Variants in PTBP2 observed in about 807,000 individuals in gnomAD.
The protein encoded by PTBP2 is polypyrimidine tract-binding protein 2.
PTBP2 carries 13 observed loss-of-function variants against 61.4 expected under a neutral mutation model. The ratio of observed to expected loss-of-function variants is 0.21; its 90% confidence interval spans 0.14 to 0.34. The LOEUF is 0.34. PTBP2 is among the 10% of genes least tolerant of loss of function. The pLI is 1.00. For synonymous variants in PTBP2, 215 were observed against 218.5 expected (o/e 0.98, Z 0.14); for missense variants, 405 against 642.6 (o/e 0.63, Z 4.00).
chr1:96,741,472 G>A (rs1653013850), intron 2 of PTBP2, among the ~76,000 whole-genome samples: 2 of 151,988 alleles, frequency 1.3e-5, no homozygotes, highest in South Asian at 2.1e-4. Flanking sequence ...GTATTACCCA[G>A]GTTTGTTGCG....
intron 2 of PTBP2, chr1:96,749,795 T>G: frequency 2.7e-6 from 1 of 369,362 alleles, no homozygotes; most frequent in South Asian, 2.0e-5. Context: ...TGCCTGGTAA[T>G]CACTGTTCGT....
chr1:96,798,751 A>AT (rs1241559574), intron 8 of PTBP2, among the ~76,000 whole-genome samples: 6 of 152,206 alleles, frequency 3.9e-5, no homozygotes, highest in Non-Finnish European at 5.9e-5. Context: ...TGGTTGATTA[A>AT]TTGCAAGAAC....
At chr1:96,773,700 T>G (rs273860) in intron 5 of PTBP2, among the ~76,000 whole-genome samples, 88,192 of 151,820 alleles carry the variant, frequency 0.58, 26,275 homozygotes, top group African/African-American at 0.71. Context: ...TACCAGGCTG[T>G]GCGTGGTGGC....
At chr1:96,764,422 C>A (rs919984242) in intron 3 of PTBP2, among the ~76,000 whole-genome samples, 11 of 152,156 alleles carry the variant, frequency 7.2e-5, no homozygotes, top group Non-Finnish European at 1.0e-4. Flanking sequence ...AAGGTACAGT[C>A]TCTTTAATTT....
In PTBP2 at chr1:96,777,432, C is replaced by T. The variant is rs1257539529; in HGVS notation, c.433-153C>T. Among the ~76,000 whole-genome samples, 3 of 152,248 alleles carry T rather than the reference C, an allele frequency of 2.0e-5. No homozygotes were observed. In the East Asian group the frequency reaches 5.8e-4, roughly 29 times the overall value. On this transcript the variant is annotated intron_variant, in intron 5 of 13. Coordinates refer to ENST00000674951, the MANE Select transcript of PTBP2 (RefSeq NM_021190.4). ...TTTATTAAACAGGTAGTACCTGGCTCATGGCAGGTGCTTAAAAATATCTGT... is the reference window on the plus strand; with the variant it reads ...TTTATTAAACAGGTAGTACCTGGCTTATGGCAGGTGCTTAAAAATATCTGT...
downstream of PTBP2, chr1:96,817,993 G>A (rs1212258270): frequency 6.6e-6 from 1 of 152,016 alleles, no homozygotes; most frequent in Non-Finnish European, 1.5e-5. Context: ...TTGTGTTTAA[G>A]AAATAAGTCA....
chr1:96,735,638 T>TTA (rs1652057095), intron 2 of PTBP2, among the ~76,000 whole-genome samples: 1 of 152,078 alleles, frequency 6.6e-6, no homozygotes, highest in Admixed American at 6.5e-5. Flanking sequence ...GGAGTTCAGG[T>TTA]TAAAAATAGC....
At chr1:96,779,893 C>G (rs1219390753) in intron 7 of PTBP2, among the ~76,000 whole-genome samples, 1 of 150,842 alleles carries the variant, frequency 6.6e-6, no homozygotes, top group Non-Finnish European at 1.5e-5. Context: ...CAATTGGTAC[C>G]AGTTTAAATC....
intron 11 of PTBP2, 96 bp downstream of exon 11, chr1:96,807,054 A>G: frequency 1.1e-6 from 1 of 886,050 alleles, no homozygotes; most frequent in East Asian, 2.8e-5. Context: ...TTACATCAGT[A>G]AGAAATTATT....
rs932347398 is a variant in PTBP2 at position 96,804,974 on chromosome 1, C to T, written c.1044+35C>T. The T allele has an allele frequency of 2.1e-6, 3 of 1,450,784 alleles. No individual in the cohort carries two copies. The African/African-American group carries it at 4.3e-5, about 21-fold the overall frequency. 89.9% of individuals were successfully genotyped at this position (1,450,784 alleles called of 1,614,324 possible). On this transcript the variant is annotated intron_variant, in intron 9 of 13. Transcript: ENST00000674951. ...ATAATCTCTAATGTTTATTCTTTAACTCCATTTCATTTGTGAAAGTTTTTC... is the reference window on the plus strand; with the variant it reads ...ATAATCTCTAATGTTTATTCTTTAATTCCATTTCATTTGTGAAAGTTTTTC...
chr1:96,728,024 C>CT (rs553367058), intron 2 of PTBP2, among the ~76,000 whole-genome samples: 65 of 152,054 alleles, frequency 4.3e-4, no homozygotes, highest in Non-Finnish European at 8.4e-4. Context: ...GGACCTGACT[C>CT]TGTCACCCCA....
intron 2 of PTBP2, among the ~76,000 whole-genome samples, chr1:96,730,082 T>C (rs11165709): frequency 0.29 from 44,266 of 152,040 alleles, 7,154 homozygotes; most frequent in East Asian, 0.44. Flanking sequence ...GATGTCAGCT[T>C]TCTCATTCCC....
At chr1:96,799,587 T>C (rs72976459) in intron 8 of PTBP2, among the ~76,000 whole-genome samples, 6,819 of 152,218 alleles carry the variant, frequency 0.045, 475 homozygotes, top group African/African-American at 0.15. Flanking sequence ...AGTTTTTTCC[T>C]CACATATCTG....
intron 2 of PTBP2, among the ~76,000 whole-genome samples, chr1:96,750,720 A>C (rs1046154110): frequency 1.3e-5 from 2 of 152,084 alleles, no homozygotes; most frequent in African/African-American, 4.8e-5. Flanking sequence ...AATATCCATA[A>C]CTAAGGCAAA....
chr1:96,744,139 A>G (rs1315661976), intron 2 of PTBP2, among the ~76,000 whole-genome samples: 2 of 151,982 alleles, frequency 1.3e-5, no homozygotes, highest in African/African-American at 4.8e-5. Flanking sequence ...CAGAAAAATT[A>G]CTTGAACCCG....
Position 96,785,071 on chromosome 1 carries a change from C to A in PTBP2, c.721C>A (p.Gln241Lys). ...TTCACTTTTACAGGCCCTAGATGGT[C>A]AGAATATTTATAATGCCTGCTGTAC... ...AQQAKLALDG[Q>K]NIYNACCTLR... Residue 241 changes from glutamine (Q) to lysine (K), a missense_variant, in exon 8 of 14, where the codon CAG becomes AAG. Around this residue, in one of 4 missense-constraint regions of PTBP2, gnomAD observed 342 missense variants for 491.2 expected, o/e 0.70. Transcript: ENST00000674951. 3 of 1,587,366 alleles carry A rather than the reference C, an allele frequency of 1.9e-6. No individual in the cohort carries two copies. Among genetic ancestry groups the A allele is most frequent in the South Asian group, 2.3e-5 (2 of 87,370 alleles).
chr1:96,780,139 T>C (rs1658488623), intron 7 of PTBP2, among the ~76,000 whole-genome samples: 1 of 152,084 alleles, frequency 6.6e-6, no homozygotes, highest in Non-Finnish European at 1.5e-5. Flanking sequence ...ATAAAAGGCA[T>C]AGATGTTTAG....
At chr1:96,822,458 C>G (rs1662712339) in exon 14 of PTBP2, 1 of 152,096 alleles carries the variant, frequency 6.6e-6, no homozygotes, top group Non-Finnish European at 1.5e-5. Flanking sequence ...ATAGGCTGTG[C>G]TAAGTTGTTT....
At position 96,813,492 on chromosome 1, in the gene PTBP2, G is replaced by T. The variant is rs1662266296; in HGVS notation, c.*87G>T. ...TTCAGAAAAGTGGGGACCAGAGTTT[G>T]ATTTTTTTTGTTTTTGTTTTTTTGG... On this transcript the variant is annotated 3_prime_UTR_variant, in exon 14 of 14. Coordinates refer to ENST00000674951, the MANE Select transcript of PTBP2 (RefSeq NM_021190.4). 10 of 1,262,398 alleles carry T rather than the reference G, an allele frequency of 7.9e-6. No homozygotes were observed. Among genetic ancestry groups the T allele is most frequent in the South Asian group, 4.6e-5 (2 of 43,162 alleles). 78.2% of individuals were successfully genotyped at this position (1,262,398 alleles called of 1,614,324 possible).
Sources: gnomAD v4.1 joint callset for allele counts (sites outside exome capture counted in the v4.1 genomes callset) on GRCh38, gnomAD v4.1.1 for gene constraint, gnomAD v4.1.1 regional missense constraint, MANE v1.5 for transcripts, NCBI Gene and HGNC (gene_info 2026-07-23, HGNC 2026-07-21) for gene names.